TMCC1: variants seen among roughly 807,000 people sequenced by gnomAD.
TMCC1 encodes the protein transmembrane and coiled-coil domain family 1.
A neutral mutation model predicts 52.4 loss-of-function variants in TMCC1; 15 were observed. That is an observed-to-expected ratio of 0.29 (90% CI 0.19 to 0.44). The LOEUF (loss-of-function observed/expected upper bound fraction) is 0.44. TMCC1 is among the 20% of genes least tolerant of loss of function. The probability of loss-of-function intolerance (pLI) is 1.00; values close to 1 mark genes in which losing one functional copy is unlikely to be tolerated. For missense variants in TMCC1, 503 were observed against 806.0 expected, an observed-to-expected ratio of 0.62 and a Z score of 4.55; for synonymous variants, 279 against 301.9, an observed-to-expected ratio of 0.92 and a Z score of 0.79.
intron 4 of TMCC1, among the ~76,000 whole-genome samples, chr3:129,794,131 TG>T (rs1393638358): frequency 6.6e-6 from 1 of 152,204 alleles, no homozygotes; most frequent in East Asian, 1.9e-4. Flanking sequence ...GAACACAATC[TG>T]GGGCTGCCAG....
chr3:129,649,068 T>C lies in TMCC1; in HGVS notation c.*2413A>G, dbSNP rs756166384. On this transcript the variant is annotated 3_prime_UTR_variant, in exon 7 of 7. Coordinates refer to ENST00000393238, the MANE Select transcript of TMCC1 (RefSeq NM_001017395.5). Reference sequence around the variant, plus strand: ...TCTACAGGTGAAAACCTTCCTTTGATAGATAGAAACCGTCCCAGGGCAAAT... The same window carrying C: ...TCTACAGGTGAAAACCTTCCTTTGACAGATAGAAACCGTCCCAGGGCAAAT... The C allele has an allele frequency of 4.0e-5, 6 of 151,898 alleles. No individual in the cohort carries two copies. Among genetic ancestry groups the C allele is most frequent in the Non-Finnish European group, 5.9e-5 (4 of 68,020 alleles). The allele number at this position is 151,898 out of a possible 1,614,324, so 9.4% of individuals were successfully genotyped here.
chr3:129,864,959 AT>A (rs2060553853), intron 2 of TMCC1, among the ~76,000 whole-genome samples: 1 of 152,220 alleles, frequency 6.6e-6, no homozygotes. Flanking sequence ...AAACTTTGAA[AT>A]GCCTACTAGG....
intron 4 of TMCC1, among the ~76,000 whole-genome samples, chr3:129,779,904 G>C (rs944487965): frequency 6.6e-6 from 1 of 152,120 alleles, no homozygotes; most frequent in African/African-American, 2.4e-5. Context: ...ACAAGAGACA[G>C]ATAACACCAC....
chr3:129,839,240 A>G (rs1269876125), intron 2 of TMCC1, among the ~76,000 whole-genome samples: 1 of 152,250 alleles, frequency 6.6e-6, no homozygotes, highest in Non-Finnish European at 1.5e-5. Flanking sequence ...AGGTAAAAGT[A>G]AAACGCTTAA....
At chr3:129,835,936 T>C (rs989441344) in intron 2 of TMCC1, among the ~76,000 whole-genome samples, 4 of 152,124 alleles carry the variant, frequency 2.6e-5, no homozygotes, top group Admixed American at 6.5e-5. Flanking sequence ...AACTCAGTAA[T>C]TACATTAAAT....
intron 4 of TMCC1, among the ~76,000 whole-genome samples, chr3:129,723,567 C>T (rs1413558396): frequency 6.8e-6 from 1 of 147,714 alleles, no homozygotes; most frequent in African/African-American, 2.5e-5. Flanking sequence ...GTAACTATTT[C>T]GCTTGAGAAA....
At chr3:129,704,456 T>C (rs2048068305) in intron 4 of TMCC1, among the ~76,000 whole-genome samples, 1 of 152,314 alleles carries the variant, frequency 6.6e-6, no homozygotes, top group Admixed American at 6.5e-5. Flanking sequence ...TCTCACTCTA[T>C]TGCCCAGGCT....
At chr3:129,667,825 A>G (rs1159014836) in intron 5 of TMCC1, among the ~76,000 whole-genome samples, 1 of 152,184 alleles carries the variant, frequency 6.6e-6, no homozygotes, top group African/African-American at 2.4e-5. Context: ...CTTGACATGA[A>G]GACATAACAA....
chr3:129,811,917 C>CTGGG (rs1430661171), intron 4 of TMCC1, among the ~76,000 whole-genome samples: 1 of 150,626 alleles, frequency 6.6e-6, no homozygotes, highest in Non-Finnish European at 1.5e-5. Context: ...GCACTCCAGC[C>CTGGG]TGGGTGACAG....
intron 3 of TMCC1, among the ~76,000 whole-genome samples, chr3:129,831,738 CA>C (rs1560508736): frequency 6.6e-6 from 1 of 152,174 alleles, no homozygotes; most frequent in African/African-American, 2.4e-5. Context: ...AATGCAAGCA[CA>C]AAAGAAATTC....
chr3:129,772,722 CAAAA>C (rs34785535), intron 4 of TMCC1, among the ~76,000 whole-genome samples: 2 of 76,188 alleles, frequency 2.6e-5, no homozygotes, highest in African/African-American at 5.0e-5. Context: ...GACTCCGCCT[CAAAA>C]AAAAAAAAAA....
chr3:129,719,077 C>G (rs999281020), intron 4 of TMCC1, among the ~76,000 whole-genome samples: 2 of 152,170 alleles, frequency 1.3e-5, no homozygotes, highest in African/African-American at 4.8e-5. Context: ...AATAAGACGG[C>G]TGATGGTTGG....
At chr3:129,823,494 T>C (rs2058516926) in intron 4 of TMCC1, among the ~76,000 whole-genome samples, 1 of 152,172 alleles carries the variant, frequency 6.6e-6, no homozygotes, top group African/African-American at 2.4e-5. Context: ...CCTGCTCACA[T>C]TGACCAACAG....
intron 2 of TMCC1, among the ~76,000 whole-genome samples, chr3:129,850,886 G>A (rs2059886885): frequency 6.6e-6 from 1 of 152,258 alleles, no homozygotes; most frequent in Non-Finnish European, 1.5e-5. Flanking sequence ...GCAGGAGCAT[G>A]TCCTTAAGAC....
At chr3:129,808,357 C>T (rs984697870) in intron 4 of TMCC1, among the ~76,000 whole-genome samples, 3 of 151,934 alleles carry the variant, frequency 2.0e-5, no homozygotes, top group African/African-American at 7.3e-5. Flanking sequence ...TGGTGTGCAC[C>T]TGTAATCCTA....
chr3:129,753,947 C>CA (rs140879279), intron 4 of TMCC1, among the ~76,000 whole-genome samples: 9,211 of 136,298 alleles, frequency 0.068, 776 homozygotes, highest in East Asian at 0.39. Flanking sequence ...TAAGAATCTA[C>CA]AAAAAAAAAA....
At chr3:129,887,635 T>C (rs1381732411) in intron 1 of TMCC1, among the ~76,000 whole-genome samples, 1 of 151,452 alleles carries the variant, frequency 6.6e-6, no homozygotes, top group Non-Finnish European at 1.5e-5. Context: ...ACTGTGAGCA[T>C]TAAAAAAAAG....
At chr3:129,807,557 T>C (rs922937375) in intron 4 of TMCC1, among the ~76,000 whole-genome samples, 4 of 152,158 alleles carry the variant, frequency 2.6e-5, no homozygotes, top group Admixed American at 6.5e-5. Flanking sequence ...AGGCCCATCA[T>C]TGTACAACTT....
intron 4 of TMCC1, among the ~76,000 whole-genome samples, chr3:129,817,940 C>G (rs755087391): frequency 5.9e-5 from 9 of 152,100 alleles, no homozygotes; most frequent in Non-Finnish European, 1.3e-4. Context: ...AGCCACTGGA[C>G]TAGCTGGGAC....
Sources: allele counts gnomAD v4.1 joint callset (sites outside exome capture counted in the v4.1 genomes callset), GRCh38; gene constraint gnomAD v4.1.1; transcripts MANE v1.5; gene names NCBI Gene and HGNC (gene_info 2026-07-23, HGNC 2026-07-21).